The following DNAH5 variants were observed in gnomAD, a reference collection of about 807,000 sequenced individuals.
DNAH5 encodes the protein axonemal beta dynein heavy chain 5.
DNAH5 carries 372 observed loss-of-function variants against 518.2 expected under a neutral mutation model. The ratio of observed to expected loss-of-function variants is 0.72; its 90% CI spans 0.66 to 0.78. The LOEUF is 0.78. DNAH5 is among the 30% of genes least tolerant of loss of function. The pLI, the probability that DNAH5 is intolerant of heterozygous loss-of-function variation, is 0.00. For missense variants in DNAH5, 5,523 were observed against 5,687.0 expected, an observed-to-expected ratio of 0.97 and a Z score of 0.93; for synonymous variants, 2,039 against 2,025.9, an observed-to-expected ratio of 1.01 and a Z score of -0.17.
intron 21 of DNAH5, among the ~76,000 whole-genome samples, chr5:13,878,279 A>G (rs1271877932): frequency 6.6e-6 from 1 of 152,220 alleles, no homozygotes; most frequent in Non-Finnish European, 1.5e-5. Context: ...CATTAGGCAT[A>G]TGTGAATTTC....
intron 11 of DNAH5, 149 bp downstream of exon 11, chr5:13,913,594 T>G (rs1776281751): frequency 1.0e-6 from 1 of 961,332 alleles, no homozygotes. Context: ...CAAACAAATC[T>G]AATTTCTTTA....
intron 19 of DNAH5, among the ~76,000 whole-genome samples, chr5:13,883,368 A>T (rs1389596116): frequency 6.6e-6 from 1 of 152,156 alleles, no homozygotes; most frequent in Non-Finnish European, 1.5e-5. Flanking sequence ...TAAATTATAA[A>T]CACTTCTGTA....
chr5:13,858,194 T>C (rs1767890373), intron 30 of DNAH5, among the ~76,000 whole-genome samples: 1 of 151,996 alleles, frequency 6.6e-6, no homozygotes, highest in Non-Finnish European at 1.5e-5. Flanking sequence ...TTATACTGGA[T>C]AAAGAAAATG....
At chr5:13,807,772 T>A (rs772641581) in intron 46 of DNAH5, 47 bp from the exon 47 acceptor site, 1 of 1,523,420 alleles carries the variant, frequency 6.6e-7, no homozygotes. Flanking sequence ...TAAATGAGTG[T>A]GATGGGCTGA....
intron 40 of DNAH5, 92 bp downstream of exon 40, chr5:13,823,171 T>C (rs1467560439): frequency 5.8e-6 from 5 of 862,648 alleles, no homozygotes; most frequent in Admixed American, 1.7e-5. Flanking sequence ...CTGCTCAGAG[T>C]GCATAGGTTG....
rs529479621 is a variant in DNAH5, at chr5:13,857,431, T to C, written c.4950+2021A>G. Among the ~76,000 whole-genome samples, 3 of 152,314 alleles carry C rather than the reference T, an allele frequency of 2.0e-5. No homozygotes were observed. In the South Asian group the frequency reaches 6.2e-4, roughly 32 times the overall value. ...AGAATCAATATCATAAAAATGGCTA[T>C]ACTGCACAAAGTAATTTATAGATTC... is the stretch of plus-strand genomic sequence containing the variant. On this transcript the variant is annotated intron_variant, in intron 30 of 78. Coordinates refer to ENST00000265104, the MANE Select transcript of DNAH5 (RefSeq NM_001369.3).
In DNAH5 at chr5:13,916,713, A is replaced by T. The variant is rs187507729; in HGVS notation, c.1090-258T>A. The stretch of plus-strand genomic sequence containing the variant: ...AGCAACAGCAAGTTAACTGTTAACT[A>T]TTATTAAGGATAAACTGTTAATAAC... On this transcript the variant is annotated intron_variant, in intron 8 of 78. Transcript: ENST00000265104. 5.9e-5 allele frequency among the ~76,000 whole-genome samples: 9 copies of T among 152,264 alleles called. No individual in the cohort carries two copies. In the East Asian group the frequency reaches 1.7e-3, roughly 29 times the overall value.
At chr5:13,864,109 G>C (rs1768873864) in intron 28 of DNAH5, among the ~76,000 whole-genome samples, 6 of 152,206 alleles carry the variant, frequency 3.9e-5, no homozygotes, top group Admixed American at 3.9e-4. Context: ...GGCTTTCACA[G>C]AACAACATAC....
intron 75 of DNAH5, among the ~76,000 whole-genome samples, chr5:13,713,356 T>A (rs1190139965): frequency 7.0e-6 from 1 of 143,150 alleles, no homozygotes; most frequent in Non-Finnish European, 1.5e-5. Flanking sequence ...GACATATATA[T>A]ACTGACATAT....
intron 37 of DNAH5, 97 bp downstream of exon 37, chr5:13,829,929 T>C (rs1763413601): frequency 4.1e-6 from 5 of 1,211,468 alleles, no homozygotes; most frequent in South Asian, 1.3e-5. Flanking sequence ...ACAATCCCAA[T>C]TTCCATTCAG....
chr5:13,842,480 A>AAAGG (rs1765401890), intron 32 of DNAH5, among the ~76,000 whole-genome samples: 1 of 123,518 alleles, frequency 8.1e-6, no homozygotes, highest in Non-Finnish European at 1.7e-5. Context: ...AGAAAGAAAG[A>AAAGG]AAGAGAAAGA....
chr5:13,697,255 A>G (rs1246430027), intron 78 of DNAH5, among the ~76,000 whole-genome samples: 1 of 152,234 alleles, frequency 6.6e-6, no homozygotes, highest in African/African-American at 2.4e-5. Flanking sequence ...CCAAGATGTC[A>G]CACTACCCTA....
chr5:13,891,052 T>C lies in DNAH5; in HGVS notation c.2501A>G (p.Glu834Gly). 6.2e-7 allele frequency: 1 copy of C among 1,614,176 alleles called. No individual in the cohort carries two copies. The highest frequency in any genetic ancestry group is 8.5e-7 in the Non-Finnish European group (1 of 1,180,006). The change falls in exon 17 of 79, where the codon GAA (glutamate) becomes GGA (glycine). Residue 834 changes from glutamate to glycine, a missense_variant. Physicochemically the swap from Glu to Gly is moderately conservative, Grantham distance 98. This residue lies in a region of DNAH5 where 5,121 missense variants were observed against 5,223.3 expected (regional missense o/e 0.98). Transcript: ENST00000265104. ...IEFRIDAILEEMSSTPLCQLP... is the reference protein window; with the variant it reads ...IEFRIDAILEGMSSTPLCQLP... ...CTGACAAAGAGGCGTGCTGCTCATT[T>C]CTTCTAGAATGGCATCAATGCGGAA... is the stretch of plus-strand genomic sequence containing the variant.
intron 70 of DNAH5, among the ~76,000 whole-genome samples, chr5:13,727,081 C>A (rs545294619): frequency 2.0e-5 from 3 of 152,304 alleles, no homozygotes; most frequent in Non-Finnish European, 2.9e-5. Context: ...ACGGTTTGGG[C>A]ACACTGTCCT....
intron 58 of DNAH5, 85 bp from the exon 59 acceptor site, chr5:13,766,264 A>C: frequency 6.9e-7 from 1 of 1,449,270 alleles, no homozygotes; most frequent in Non-Finnish European, 9.7e-7. Flanking sequence ...CTGCTATTTC[A>C]ACAGAGGACA....
rs751201560 is a variant in DNAH5, at chr5:13,766,186, G to A, written c.9898-7C>T. The A allele has an allele frequency of 1.8e-5, 29 of 1,614,126 alleles. No individual in the cohort carries two copies. The highest frequency in any genetic ancestry group is 2.4e-5 in the Non-Finnish European group (28 of 1,179,986). On this transcript the variant is annotated splice_polypyrimidine_tract_variant and splice_region_variant and intron_variant, in intron 58 of 78. Coordinates refer to ENST00000265104, the MANE Select transcript of DNAH5 (RefSeq NM_001369.3). ...TGTCCGAAGGCCTGATGGTCTGGGGGATGAAAGGAACGATCACCCAACCAC... is the reference window on the plus strand; with the variant it reads ...TGTCCGAAGGCCTGATGGTCTGGGGAATGAAAGGAACGATCACCCAACCAC...
At chr5:13,990,700 T>C (rs1783477662) in intron 1 of DNAH5, among the ~76,000 whole-genome samples, 2 of 151,974 alleles carry the variant, frequency 1.3e-5, no homozygotes, top group Non-Finnish European at 2.9e-5. Flanking sequence ...AAACCCCATC[T>C]CTACTAAAAA....
chr5:13,765,489 T>A (rs1052471098), intron 59 of DNAH5, among the ~76,000 whole-genome samples: 1 of 152,206 alleles, frequency 6.6e-6, no homozygotes, highest in African/African-American at 2.4e-5. Flanking sequence ...ATTGACTTGG[T>A]TGGGGCACAA....
chr5:13,810,269 G>T lies in DNAH5; in HGVS notation c.7408-9C>A. On this transcript the variant is annotated splice_polypyrimidine_tract_variant and intron_variant, in intron 44 of 78. Coordinates refer to ENST00000265104, the MANE Select transcript of DNAH5 (RefSeq NM_001369.3). ...ACCTCCCCGCCTTGCTCCTGAGAAG[G>T]AAAGACACTTTTTTTTAATAACTTG... is the stretch of plus-strand genomic sequence containing the variant. 1 of 1,549,838 alleles carries T rather than the reference G, an allele frequency of 6.5e-7. No homozygotes were observed. The highest frequency in any genetic ancestry group is 8.7e-7 in the Non-Finnish European group (1 of 1,146,452).
Sources: gnomAD v4.1 joint callset for allele counts (sites outside exome capture counted in the v4.1 genomes callset) on GRCh38, gnomAD v4.1.1 for gene constraint, gnomAD v4.1.1 regional missense constraint, MANE v1.5 for transcripts, NCBI Gene and HGNC (gene_info 2026-07-23, HGNC 2026-07-21) for gene names.